STAT3: variants seen among roughly 807,000 people sequenced by gnomAD.
STAT3 encodes the protein signal transducer and activator of transcription 3, also known as DNA-binding protein APRF.
STAT3 carries 7 observed loss-of-function variants against 114.3 expected under a neutral mutation model. The ratio of observed to expected loss-of-function variants is 0.06; its 90% CI spans 0.03 to 0.11. STAT3 has a LOEUF of 0.11. Ranked by LOEUF, STAT3 falls within the 10% of genes least tolerant of loss-of-function variation. The pLI, the probability that STAT3 is intolerant of heterozygous loss-of-function variation, is 1.00. For missense variants in STAT3, 364 were observed against 960.9 expected (o/e 0.38, Z 8.21); for synonymous variants, 331 against 354.5 (o/e 0.93, Z 0.74).
intron 4 of STAT3, 99 bp from the exon 5 acceptor site, chr17:42,339,508 G>T: frequency 8.5e-7 from 1 of 1,179,442 alleles, no homozygotes; most frequent in Non-Finnish European, 1.3e-6. Context: ...CTTCTTGTTT[G>T]GCTTGAGACG....
intron 1 of STAT3, among the ~76,000 whole-genome samples, chr17:42,354,212 C>G (rs1277691766): frequency 6.9e-6 from 1 of 145,834 alleles, no homozygotes; most frequent in Non-Finnish European, 1.5e-5. Flanking sequence ...TACTGTCACC[C>G]GGGCTGGTGT....
At chr17:42,384,611 G>A (rs1567764777) in intron 1 of STAT3, among the ~76,000 whole-genome samples, 1 of 151,684 alleles carries the variant, frequency 6.6e-6, no homozygotes, top group Non-Finnish European at 1.5e-5. Context: ...CTGGAGTGCG[G>A]TGGCGGGATC....
chr17:42,388,375 G>C lies in STAT3; in HGVS notation c.-120C>G, dbSNP rs998497935. 1.3e-5 allele frequency: 16 copies of C among 1,231,544 alleles called. No homozygotes were observed. The Admixed American group carries it at 6.3e-4, about 49-fold the overall frequency. The allele number at this position is 1,231,544 out of a possible 1,614,324, so 76.3% of individuals were successfully genotyped here. A position where few individuals can be genotyped will look rare whatever the true frequency, so the allele number is the denominator to read the frequency against. ...GCCGAAGGGCCTCTCCGAGCCGAGG[G>C]GGAGAGACAGCGCCAAGCCGGGGTG... On this transcript the variant is annotated 5_prime_UTR_variant, in exon 1 of 24. Coordinates refer to ENST00000264657, the MANE Select transcript of STAT3 (RefSeq NM_139276.3).
intron 1 of STAT3, among the ~76,000 whole-genome samples, chr17:42,377,553 G>T (rs1299610605): frequency 6.6e-6 from 1 of 152,174 alleles, no homozygotes; most frequent in Non-Finnish European, 1.5e-5. Context: ...TACATATGAA[G>T]TAACTCAGGA....
chr17:42,365,596 G>GA (rs1335429062), intron 1 of STAT3, among the ~76,000 whole-genome samples: 2 of 148,878 alleles, frequency 1.3e-5, no homozygotes, highest in East Asian at 2.0e-4. Context: ...ACTTCCATAA[G>GA]AAAAAAATTC....
intron 1 of STAT3, among the ~76,000 whole-genome samples, chr17:42,384,580 G>A: frequency 6.7e-6 from 1 of 148,306 alleles, no homozygotes; most frequent in Non-Finnish European, 1.5e-5. Flanking sequence ...TTGGAGACAG[G>A]GTCTCACTCT....
chr17:42,354,515 A>T (rs940822674), intron 1 of STAT3, among the ~76,000 whole-genome samples: 3 of 151,444 alleles, frequency 2.0e-5, no homozygotes, highest in Non-Finnish European at 4.4e-5. Flanking sequence ...TTTCCATAAA[A>T]TTAAAGCACC....
Position 42,388,269 on chromosome 17 carries a change from C to A in STAT3, c.-24+10G>T. The A allele has an allele frequency of 4.1e-6, 5 of 1,231,704 alleles. No individual in the cohort carries two copies. The highest frequency in any genetic ancestry group is 5.1e-6 in the Non-Finnish European group (5 of 987,950). 76.3% of individuals were successfully genotyped at this position (1,231,704 alleles called of 1,614,324 possible). ...GCCTCCCCAACGGCCCCACCCTGCA[C>A]CCCCTTCACCTGTTTCTCCGGCAGA... On this transcript the variant is annotated intron_variant, in intron 1 of 23. Transcript: ENST00000264657.
At chr17:42,334,585 C>G (rs953676818) in intron 8 of STAT3, among the ~76,000 whole-genome samples, 1 of 151,880 alleles carries the variant, frequency 6.6e-6, no homozygotes, top group Non-Finnish European at 1.5e-5. Context: ...GCTGGGATTA[C>G]AGGCACCCAC....
At chr17:42,327,820 G>T (rs1207750021) in intron 14 of STAT3, among the ~76,000 whole-genome samples, 1 of 152,074 alleles carries the variant, frequency 6.6e-6, no homozygotes, top group South Asian at 2.1e-4. Context: ...GGCCGAGATG[G>T]GTGGATCACG....
In STAT3 at chr17:42,337,395, G is replaced by T; in HGVS notation, c.797+40C>A. 1 of 1,610,826 alleles carries T rather than the reference G, an allele frequency of 6.2e-7. No individual in the cohort carries two copies. The highest frequency in any genetic ancestry group is 8.5e-7 in the Non-Finnish European group (1 of 1,177,526). On this transcript the variant is annotated intron_variant, in intron 8 of 23. Transcript: ENST00000264657. The surrounding 1 kb of genome is among the most constrained non-coding windows in gnomAD (Gnocchi z 4.0). Reference sequence around the variant, plus strand: ...GCAGTTAAGATCAGAATTCAATCTAGCTTTCGAGAAAGAAAGGAAAAGCTT... The same window carrying T: ...GCAGTTAAGATCAGAATTCAATCTATCTTTCGAGAAAGAAAGGAAAAGCTT...
At chr17:42,377,552 A>G (rs1384773933) in intron 1 of STAT3, among the ~76,000 whole-genome samples, 1 of 152,220 alleles carries the variant, frequency 6.6e-6, no homozygotes. Flanking sequence ...ATACATATGA[A>G]GTAACTCAGG....
chr17:42,378,545 C>A (rs1343445057), intron 1 of STAT3, among the ~76,000 whole-genome samples: 1 of 152,212 alleles, frequency 6.6e-6, no homozygotes, highest in African/African-American at 2.4e-5. Flanking sequence ...TCGCTCCCGG[C>A]CTCCTAATTA....
intron 1 of STAT3, among the ~76,000 whole-genome samples, chr17:42,376,150 C>A (rs1303091792): frequency 3.1e-4 from 46 of 148,102 alleles, no homozygotes; most frequent in South Asian, 4.2e-4. Flanking sequence ...GACTCCGTCT[C>A]AAAAAAAAAA....
intron 21 of STAT3, among the ~76,000 whole-genome samples, chr17:42,320,609 A>G (rs2081430621): frequency 6.6e-6 from 1 of 151,950 alleles, no homozygotes; most frequent in Admixed American, 6.6e-5. Context: ...ACAAGCCCAT[A>G]ATCCCAGCTA....
intron 1 of STAT3, among the ~76,000 whole-genome samples, chr17:42,361,842 T>G (rs1331021517): frequency 1.3e-5 from 2 of 152,206 alleles, no homozygotes; most frequent in African/African-American, 4.8e-5. Flanking sequence ...AAGTGATAGT[T>G]TGATTTACAT....
chr17:42,380,512 G>A (rs1300110754), intron 1 of STAT3, among the ~76,000 whole-genome samples: 1 of 151,702 alleles, frequency 6.6e-6, no homozygotes. Flanking sequence ...AGCCTCCCGA[G>A]TAGCTGGGAT....
At position 42,373,299 on chromosome 17, in the gene STAT3, G is replaced by A. The variant is rs535466315; in HGVS notation, c.-24+14980C>T. On this transcript the variant is annotated intron_variant, in intron 1 of 23. Transcript: ENST00000264657. ...TGGGAGGCGGAGGTTGCAGTGAGCC[G>A]AGATCATGCCATTGCACTCCAGCCT... is the stretch of plus-strand genomic sequence containing the variant. 3.6e-4 allele frequency among the ~76,000 whole-genome samples: 55 copies of A among 151,418 alleles called. 1 individual carries two copies. Among genetic ancestry groups the A allele is most frequent in the Non-Finnish European group, 5.9e-4 (40 of 67,822 alleles).
chr17:42,329,272 G>T, intron 14 of STAT3, 138 bp downstream of exon 14: 2 of 1,258,434 alleles, frequency 1.6e-6, no homozygotes, highest in African/African-American at 1.5e-5. Flanking sequence ...TGTCACTTTG[G>T]CCTGAAGTGA....
Sources: allele counts gnomAD v4.1 joint callset (sites outside exome capture counted in the v4.1 genomes callset), GRCh38; gene constraint gnomAD v4.1.1; non-coding constraint Gnocchi (gnomAD v3.1); transcripts MANE v1.5; gene names NCBI Gene and HGNC (gene_info 2026-07-23, HGNC 2026-07-21).